PRR14L: variants seen among roughly 807,000 people sequenced by gnomAD.
PRR14L encodes protein PRR14L.
In PRR14L, 80 loss-of-function variants were observed where a neutral mutation model predicts 155.0. The ratio of observed to expected loss-of-function variants is 0.52; its 90% CI spans 0.43 to 0.62. The LOEUF (loss-of-function observed/expected upper bound fraction) is 0.62, where lower values mean the gene tolerates loss of function less well. Ranked by LOEUF, PRR14L falls within the 20% of genes least tolerant of loss-of-function variation. The pLI is 0.00. For missense variants in PRR14L, 2,469 were observed against 2,548.0 expected (o/e 0.97, Z 0.67); for synonymous variants, 883 against 916.0 (o/e 0.96, Z 0.65).
intron 3 of PRR14L, among the ~76,000 whole-genome samples, chr22:31,717,879 C>G (rs184666741): frequency 4.3e-4 from 66 of 151,968 alleles, no homozygotes; most frequent in African/African-American, 1.4e-3. Flanking sequence ...CCCGCCTCAG[C>G]CTCCTGAGTA....
intron 2 of PRR14L, among the ~76,000 whole-genome samples, chr22:31,737,710 G>A (rs769946007): frequency 1.8e-4 from 27 of 151,796 alleles, no homozygotes; most frequent in Non-Finnish European, 2.6e-4. Context: ...ACCTCTCTGG[G>A]TATAATTTCA....
intron 2 of PRR14L, among the ~76,000 whole-genome samples, chr22:31,727,988 A>G (rs1255581397): frequency 6.6e-6 from 1 of 151,900 alleles, no homozygotes; most frequent in African/African-American, 2.4e-5. Context: ...CAGAAAAAAA[A>G]AAAAAAGAAA....
chr22:31,740,214 C>T (rs1293972363), intron 1 of PRR14L, among the ~76,000 whole-genome samples: 1 of 151,430 alleles, frequency 6.6e-6, no homozygotes, highest in Non-Finnish European at 1.5e-5. Flanking sequence ...CATCACCACA[C>T]CTGGCTAATT....
chr22:31,731,793 T>A (rs1474288086), intron 2 of PRR14L, among the ~76,000 whole-genome samples: 1 of 152,114 alleles, frequency 6.6e-6, no homozygotes, highest in Non-Finnish European at 1.5e-5. Flanking sequence ...TTACTAATAT[T>A]TTCTATTCTT....
Position 31,712,960 on chromosome 22 carries a change from C to T in PRR14L, c.4879G>A (p.Ala1627Thr), listed in dbSNP as rs574278155. The T allele has an allele frequency of 3.4e-5, 53 of 1,551,720 alleles. No homozygotes were observed. In the East Asian group the frequency reaches 1.3e-3, roughly 38 times the overall value. ...AGCTTCTGAGTCTTCATGGCTGGGG[C>T]CAGTTTGGAGGCAAGGATGGACAGC... Reference protein sequence around the residue: ...NKLSILASKLAPAMKTQKLRY... With the variant: ...NKLSILASKLTPAMKTQKLRY... The change falls in exon 4 of 9, where the codon GCC becomes ACC. Residue 1627 changes from alanine (A) to threonine (T), a missense_variant. By Grantham distance (58) the Ala-to-Thr change is moderately conservative. Transcript: ENST00000327423.
At chr22:31,736,493 A>T (rs534527566) in intron 2 of PRR14L, among the ~76,000 whole-genome samples, 11 of 152,292 alleles carry the variant, frequency 7.2e-5, no homozygotes, top group Admixed American at 2.6e-4. Context: ...AAGCCCACTA[A>T]CAACAATTAA....
chr22:31,700,319 CATTCGAGTAATAAA>C (rs1238787439), intron 7 of PRR14L, among the ~76,000 whole-genome samples: 8 of 152,152 alleles, frequency 5.3e-5, no homozygotes, highest in Admixed American at 6.6e-5. Flanking sequence ...AATCCTATTT[CATTCGAGTAATAAA>C]TACTACCCGA....
intron 2 of PRR14L, 30 bp from the exon 3 acceptor site, chr22:31,725,640 G>C (rs5753766): frequency 0.14 from 181,437 of 1,318,166 alleles, 12,997 homozygotes; most frequent in South Asian, 0.22. Context: ...TGGTCAAGGG[G>C]GATTCAGAAG....
At chr22:31,695,901 T>C (rs1569497373) in intron 7 of PRR14L, among the ~76,000 whole-genome samples, 2 of 152,138 alleles carry the variant, frequency 1.3e-5, no homozygotes, top group African/African-American at 4.8e-5. Flanking sequence ...CTCCCTGTCA[T>C]AGTTTAATGT....
chr22:31,723,161 C>T (rs771415765), intron 3 of PRR14L, among the ~76,000 whole-genome samples: 4 of 152,134 alleles, frequency 2.6e-5, no homozygotes, highest in Non-Finnish European at 5.9e-5. Context: ...AGTAGAGATG[C>T]TGATTTCAAG....
rs780701119 is a variant in PRR14L, at chr22:31,713,168, G to A, written c.4671C>T (p.Ile1557=). Residue 1557 remains isoleucine (I), a synonymous_variant, in exon 4 of 9, where the codon ATC becomes ATT. Transcript: ENST00000327423. ...SAFLKSSSNP[I]PTKAHRLLSL... Reference sequence around the variant, plus strand: ...TGAGAAGTCTGTGCGCTTTTGTGGGGATGGGATTGGAAGAACTCTTTAAAA... The same window carrying A: ...TGAGAAGTCTGTGCGCTTTTGTGGGAATGGGATTGGAAGAACTCTTTAAAA... The A allele has an allele frequency of 2.7e-5, 42 of 1,551,976 alleles. No homozygotes were observed. The highest frequency in any genetic ancestry group is 3.7e-5 in the Non-Finnish European group (42 of 1,147,052).
chr22:31,704,864 T>C, intron 4 of PRR14L, 138 bp from the exon 5 acceptor site: 1 of 611,584 alleles, frequency 1.6e-6, no homozygotes, highest in East Asian at 2.9e-5. Flanking sequence ...GAGGAAAGCT[T>C]TCCAACCAGG....
chr22:31,700,625 C>T (rs546663857), intron 7 of PRR14L, among the ~76,000 whole-genome samples: 7 of 152,232 alleles, frequency 4.6e-5, no homozygotes, highest in Non-Finnish European at 2.9e-5. Flanking sequence ...GGCACGATCT[C>T]GGCTCACCGC....
At chr22:31,698,022 C>G (rs898047657) in intron 7 of PRR14L, among the ~76,000 whole-genome samples, 1 of 151,580 alleles carries the variant, frequency 6.6e-6, no homozygotes, top group Non-Finnish European at 1.5e-5. Context: ...TTCAAGTAGT[C>G]AGTCCCTTCT....
At chr22:31,746,400 T>C (rs547315441) in intron 1 of PRR14L, among the ~76,000 whole-genome samples, 1 of 152,346 alleles carries the variant, frequency 6.6e-6, no homozygotes, top group Admixed American at 6.5e-5. Context: ...CCAATGCTTT[T>C]ACATTAAAGT....
intron 7 of PRR14L, among the ~76,000 whole-genome samples, chr22:31,688,842 AG>A (rs1294659910): frequency 6.7e-6 from 1 of 150,352 alleles, no homozygotes; most frequent in Non-Finnish European, 1.5e-5. Flanking sequence ...GTTGCCTAGG[AG>A]TCTGACACTG....
At chr22:31,701,283 C>T (rs946673978) in intron 7 of PRR14L, among the ~76,000 whole-genome samples, 1 of 152,090 alleles carries the variant, frequency 6.6e-6, no homozygotes, top group Admixed American at 6.5e-5. Flanking sequence ...CCACTGCACC[C>T]GGCTTGGAGA....
intron 1 of PRR14L, among the ~76,000 whole-genome samples, chr22:31,747,887 T>C (rs1325298239): frequency 1.3e-5 from 2 of 149,500 alleles, no homozygotes; most frequent in African/African-American, 5.0e-5. Flanking sequence ...CTCATCAGAA[T>C]ACATTTTATA....
At chr22:31,722,802 G>T (rs1347521180) in intron 3 of PRR14L, among the ~76,000 whole-genome samples, 2 of 152,140 alleles carry the variant, frequency 1.3e-5, no homozygotes, top group Non-Finnish European at 2.9e-5. Context: ...AAAGTGCTGG[G>T]ATTACAGGTG....
Sources: allele counts gnomAD v4.1 joint callset (sites outside exome capture counted in the v4.1 genomes callset), GRCh38; gene constraint gnomAD v4.1.1; transcripts MANE v1.5; gene names NCBI Gene and HGNC (gene_info 2026-07-23, HGNC 2026-07-21).